Variants in ITGA6 observed in about 807,000 individuals in gnomAD.
ITGA6 encodes integrin subunit alpha 6.
ITGA6 carries 63 observed loss-of-function variants against 133.6 expected under a neutral mutation model. That is an observed-to-expected ratio of 0.47 (90% CI 0.38 to 0.58). The LOEUF (loss-of-function observed/expected upper bound fraction) is 0.58. ITGA6 is among the 20% of genes least tolerant of loss of function. The probability of loss-of-function intolerance (pLI) is 0.00; values close to 1 mark genes in which losing one functional copy is unlikely to be tolerated. For synonymous variants in ITGA6, 434 were observed against 482.0 expected, an observed-to-expected ratio of 0.90 and a Z score of 1.30; for missense variants, 1,068 against 1,309.4, an observed-to-expected ratio of 0.82 and a Z score of 2.85.
chr2:172,501,964 T>A, intron 25 of ITGA6, 63 bp downstream of exon 25: 1 of 1,456,890 alleles, frequency 6.9e-7, no homozygotes, highest in Non-Finnish European at 9.4e-7. Context: ...GTGGCTAACT[T>A]TAAGAACAAC....
At chr2:172,469,788 T>C (rs905605967) in intron 4 of ITGA6, among the ~76,000 whole-genome samples, 10 of 152,120 alleles carry the variant, frequency 6.6e-5, no homozygotes, top group Non-Finnish European at 1.5e-4. Context: ...AATAACAGAG[T>C]ATTAATATGG....
chr2:172,474,667 G>T (rs139585172), intron 6 of ITGA6, among the ~76,000 whole-genome samples: 1 of 152,194 alleles, frequency 6.6e-6, no homozygotes, highest in Admixed American at 6.5e-5. Context: ...AGTTGGGGGG[G>T]TTAGAACAGT....
In ITGA6 at chr2:172,487,779, G is replaced by C. The variant is rs2737085; in HGVS notation, c.2296G>C (p.Asp766His). 4.3e-6 allele frequency: 7 copies of C among 1,611,422 alleles called. No homozygotes were observed. Among genetic ancestry groups the C allele is most frequent in the Non-Finnish European group, 5.9e-6 (7 of 1,177,848 alleles). The change falls in exon 17 of 26, where the codon GAT becomes CAT. Residue 766 changes from aspartate to histidine, a missense_variant. Around this residue, in one of 3 missense-constraint regions of ITGA6, gnomAD observed 609 missense variants for 707.2 expected, o/e 0.86. Coordinates refer to ENST00000684293, the MANE Select transcript of ITGA6 (RefSeq NM_000210.4). ...STTEVTFDTP[D>H]LDINLKLETT... ...AACTGAAGTCACCTTTGACACCCCA[G>C]ATCTGGATATTAATCTGAAGTTAGA... is the stretch of plus-strand genomic sequence containing the variant.
chr2:172,500,258 CCTTGGG>C (rs1013616804), intron 24 of ITGA6, among the ~76,000 whole-genome samples: 1 of 151,880 alleles, frequency 6.6e-6, no homozygotes, highest in East Asian at 1.9e-4. Flanking sequence ...AAAAAAAGTC[CCTTGGG>C]CTGGTCTAAA....
intron 1 of ITGA6, among the ~76,000 whole-genome samples, chr2:172,451,452 G>A (rs1232993096): frequency 1.4e-5 from 2 of 145,806 alleles, no homozygotes; most frequent in Non-Finnish European, 3.0e-5. Flanking sequence ...GCAACAGAGC[G>A]AGACTATCTT....
intron 5 of ITGA6, 116 bp downstream of exon 5, chr2:172,471,221 C>T (rs1198941864): frequency 1.4e-5 from 17 of 1,205,364 alleles, no homozygotes; most frequent in South Asian, 1.3e-4. Context: ...CAGGTGGGGC[C>T]GGGCCACTTT....
chr2:172,441,309 T>C (rs906431436), intron 1 of ITGA6, among the ~76,000 whole-genome samples: 2 of 152,184 alleles, frequency 1.3e-5, no homozygotes, highest in African/African-American at 4.8e-5. Flanking sequence ...GTGAGGCCAC[T>C]GAAGGCAGGG....
At chr2:172,458,190 A>C (rs75735130) in intron 1 of ITGA6, among the ~76,000 whole-genome samples, 2 of 152,214 alleles carry the variant, frequency 1.3e-5, no homozygotes, top group African/African-American at 4.8e-5. Flanking sequence ...GGGAATGTTG[A>C]CATGTACACG....
intron 1 of ITGA6, among the ~76,000 whole-genome samples, chr2:172,437,949 A>G (rs925665261): frequency 9.2e-5 from 14 of 151,708 alleles, no homozygotes; most frequent in African/African-American, 2.2e-4. Context: ...TAGATTGGCA[A>G]TGTAGAAGCC....
chr2:172,502,441 T>C (rs1687388336), intron 25 of ITGA6, among the ~76,000 whole-genome samples: 1 of 152,226 alleles, frequency 6.6e-6, no homozygotes, highest in African/African-American at 2.4e-5. Flanking sequence ...AGGCTTGGAA[T>C]GCTTTTTACT....
chr2:172,484,746 A>C, intron 11 of ITGA6, 36 bp from the exon 12 acceptor site: 1 of 1,576,320 alleles, frequency 6.3e-7, no homozygotes, highest in Non-Finnish European at 8.7e-7. Flanking sequence ...TTGTGCATGA[A>C]TGCACTTACG....
Position 172,479,745 on chromosome 2 carries a change from C to T in ITGA6, c.1487+6C>T. 1.2e-6 allele frequency: 2 copies of T among 1,610,516 alleles called. No homozygotes were observed. The highest frequency in any genetic ancestry group is 1.7e-6 in the Non-Finnish European group (2 of 1,176,852). ...GGGGCGCCTAGTGGGATATGGTGAG[C>T]ATCCCTCTGTCTTGGTGGGATCCCC... On this transcript the variant is annotated splice_donor_region_variant and intron_variant, in intron 10 of 25. Coordinates refer to ENST00000684293, the MANE Select transcript of ITGA6 (RefSeq NM_000210.4).
chr2:172,500,618 A>C (rs1322751170), intron 24 of ITGA6, among the ~76,000 whole-genome samples: 2 of 152,210 alleles, frequency 1.3e-5, no homozygotes, highest in Non-Finnish European at 2.9e-5. Context: ...CAACAGAGTG[A>C]GACTCTGTCT....
In ITGA6 at chr2:172,433,197, A is replaced by G. The variant is rs1684177712; in HGVS notation, c.182+5227A>G. 5.3e-5 allele frequency among the ~76,000 whole-genome samples: 8 copies of G among 152,222 alleles called. No homozygotes were observed. In the South Asian group the frequency reaches 1.5e-3, roughly 28 times the overall value. Reference sequence around the variant, plus strand: ...TACAACTCTGGAATCAAATAACTTTATATCTGGAAGGAAGCTTAGGGGTTC... The same window carrying G: ...TACAACTCTGGAATCAAATAACTTTGTATCTGGAAGGAAGCTTAGGGGTTC... On this transcript the variant is annotated intron_variant, in intron 1 of 25. Coordinates refer to ENST00000684293, the MANE Select transcript of ITGA6 (RefSeq NM_000210.4).
At chr2:172,450,728 G>A (rs545973584) in intron 1 of ITGA6, among the ~76,000 whole-genome samples, 8 of 151,656 alleles carry the variant, frequency 5.3e-5, no homozygotes, top group Non-Finnish European at 1.0e-4. Context: ...GCTGAGGCAG[G>A]TGGATCACTT....
At chr2:172,462,061 C>A (rs1361698351) in intron 1 of ITGA6, among the ~76,000 whole-genome samples, 1 of 152,336 alleles carries the variant, frequency 6.6e-6, no homozygotes, top group Admixed American at 6.5e-5. Flanking sequence ...CCAGGGAGGG[C>A]AGCTTTACCT....
At chr2:172,486,267 G>A (rs953211832) in intron 13 of ITGA6, among the ~76,000 whole-genome samples, 1 of 150,960 alleles carries the variant, frequency 6.6e-6, no homozygotes, top group African/African-American at 2.4e-5. Flanking sequence ...AGGCAGCTTT[G>A]CAGAAGTGAG....
Position 172,467,553 on chromosome 2 carries a change from A to T in ITGA6, c.380A>T (p.Lys127Met). The T allele has an allele frequency of 6.2e-7, 1 of 1,612,838 alleles. No homozygotes were observed. Among genetic ancestry groups the T allele is most frequent in the Non-Finnish European group, 8.5e-7 (1 of 1,179,032 alleles). The change falls in exon 3 of 26, where the codon AAG becomes ATG. Residue 127 changes from lysine to methionine, a missense_variant. Physicochemically the swap from Lys to Met is moderately conservative, Grantham distance 95. Coordinates refer to ENST00000684293, the MANE Select transcript of ITGA6 (RefSeq NM_000210.4). ...VTVQSQGPGG[K>M]VVTCAHRYEK... is the part of the protein sequence containing the mutation. ...GTCCAGAGCCAAGGTCCAGGGGGCA[A>T]GGTCGTGGTAAGTGTAGAGACACAT...
intron 25 of ITGA6, among the ~76,000 whole-genome samples, chr2:172,503,218 TA>T (rs902099295): frequency 1.4e-4 from 22 of 152,036 alleles, no homozygotes; most frequent in Non-Finnish European, 2.9e-4. Context: ...CACCTTTTTT[TA>T]AAAAAAGTAA....
Sources: gnomAD v4.1 joint callset for allele counts (sites outside exome capture counted in the v4.1 genomes callset) on GRCh38, gnomAD v4.1.1 for gene constraint, gnomAD v4.1.1 regional missense constraint, MANE v1.5 for transcripts, NCBI Gene and HGNC (gene_info 2026-07-23, HGNC 2026-07-21) for gene names.